The following AEBP2 variants were observed in gnomAD, a reference collection of about 807,000 sequenced individuals.
The protein encoded by AEBP2 is AE binding protein 2.
AEBP2 carries 10 observed loss-of-function variants against 50.8 expected under a neutral mutation model. The ratio of observed to expected loss-of-function variants is 0.20; its 90% CI spans 0.12 to 0.33. AEBP2 has a LOEUF of 0.33. Among genes scored for constraint, AEBP2 ranks in the 10% least tolerant of loss-of-function variants. The pLI is 1.00. For synonymous variants in AEBP2, 296 were observed against 261.3 expected, an observed-to-expected ratio of 1.13 and a Z score of -1.28; for missense variants, 570 against 688.0, an observed-to-expected ratio of 0.83 and a Z score of 1.92.
At chr12:19,427,350 A>C (rs1201784065) in intron 1 of AEBP2, among the ~76,000 whole-genome samples, 3 of 140,672 alleles carry the variant, frequency 2.1e-5, no homozygotes, top group African/African-American at 5.3e-5. Context: ...ACTGCTTTCC[A>C]GTTTGGCCAA....
At chr12:19,423,064 CAAAAAAAAAAAAAAAAA>C (rs751550689) in intron 1 of AEBP2, among the ~76,000 whole-genome samples, 9 of 35,036 alleles carry the variant, frequency 2.6e-4, no homozygotes, top group South Asian at 2.5e-3. Flanking sequence ...GACTCTGTCT[CAAAAAAAAAAAAAAAAA>C]AAAAAAAAAA....
chr12:19,518,631 A>C lies in AEBP2; in HGVS notation c.*514A>C. The C allele has an allele frequency of 7.0e-7, 1 of 1,421,748 alleles. No homozygotes were observed. The highest frequency in any genetic ancestry group is 9.4e-7 in the Non-Finnish European group (1 of 1,063,778). The allele number at this position is 1,421,748 out of a possible 1,614,324, so 88.1% of individuals were successfully genotyped here. A position where few individuals can be genotyped will look rare whatever the true frequency, so the allele number is the denominator to read the frequency against. On this transcript the variant is annotated 3_prime_UTR_variant, in exon 8 of 8. Coordinates refer to ENST00000266508, the MANE Select transcript of AEBP2 (RefSeq NM_153207.5). ...TCAAGAGATAATTTACCTTTCAATT[A>C]TGATAAATAGATGTGATTGGTTGCC...
intron 4 of AEBP2, among the ~76,000 whole-genome samples, chr12:19,498,344 C>T (rs570931434): frequency 6.6e-6 from 1 of 152,260 alleles, no homozygotes; most frequent in Non-Finnish European, 1.5e-5. Context: ...TTCTCATTGT[C>T]ACTGCCTTCT....
Position 19,439,961 on chromosome 12 carries a change from G to A in AEBP2, c.262G>A (p.Glu88Lys). Residue 88 changes from glutamate to lysine, a missense_variant, in exon 1 of 8, where the codon GAG (glutamate) becomes AAG (lysine). Physicochemically the swap from Glu to Lys is moderately conservative, Grantham distance 56 (BLOSUM62 1). Coordinates refer to ENST00000266508, the MANE Select transcript of AEBP2 (RefSeq NM_153207.5). ...AGAGACGATGTCGGAGCCGAGCCCC[G>A]AGAGCGCCAGCCAGGCCGGGGAGGA... Reference protein sequence around the residue: ...EAETMSEPSPESASQAGEDED... With the variant: ...EAETMSEPSPKSASQAGEDED... 2 of 1,521,526 alleles carry A rather than the reference G, an allele frequency of 1.3e-6. No individual in the cohort carries two copies. Among genetic ancestry groups the A allele is most frequent in the Non-Finnish European group, 8.8e-7 (1 of 1,140,994 alleles). 94.3% of individuals were successfully genotyped at this position (1,521,526 alleles called of 1,614,324 possible).
chr12:19,502,224 C>T (rs1427343062), intron 5 of AEBP2, among the ~76,000 whole-genome samples: 4 of 151,550 alleles, frequency 2.6e-5, no homozygotes, highest in African/African-American at 9.7e-5. Context: ...AACCTCCACC[C>T]TCTAGGTTCA....
chr12:19,439,927 C>A lies in AEBP2; in HGVS notation c.228C>A (p.Gly76=). The part of the protein sequence containing the change: ...GGGGGGGGVG[G]GEAETMSEPS... ...GAGGCGGCGGCGGAGGAGTGGGGGG[C>A]GGCGAGGCAGAGACGATGTCGGAGC... The change falls in exon 1 of 8, where the codon GGC becomes GGA. Residue 76 remains glycine, a synonymous_variant. Coordinates refer to ENST00000266508, the MANE Select transcript of AEBP2 (RefSeq NM_153207.5). 1.0e-5 allele frequency: 15 copies of A among 1,500,950 alleles called. No homozygotes were observed. Among genetic ancestry groups the A allele is most frequent in the Non-Finnish European group, 1.3e-5 (15 of 1,132,818 alleles). The allele number at this position is 1,500,950 out of a possible 1,614,324, so 93.0% of individuals were successfully genotyped here. A position where few individuals can be genotyped will look rare whatever the true frequency, so the allele number is the denominator to read the frequency against.
At chr12:19,451,983 C>G (rs546509649) in intron 1 of AEBP2, among the ~76,000 whole-genome samples, 1 of 152,176 alleles carries the variant, frequency 6.6e-6, no homozygotes, top group African/African-American at 2.4e-5. Flanking sequence ...CTCTGCCTCT[C>G]GGGTTTAAGC....
intron 1 of AEBP2, among the ~76,000 whole-genome samples, chr12:19,458,171 C>T (rs1355093834): frequency 1.3e-5 from 2 of 152,198 alleles, no homozygotes; most frequent in Non-Finnish European, 2.9e-5. Flanking sequence ...GGTCCTGTCA[C>T]AATCAGAAGT....
chr12:19,418,293 T>A (rs2095743718), intron 1 of AEBP2, among the ~76,000 whole-genome samples: 1 of 151,560 alleles, frequency 6.6e-6, no homozygotes, highest in African/African-American at 2.4e-5. Context: ...GGCACAATTA[T>A]GGCTCACTGC....
chr12:19,512,159 C>CT (rs1312883182), intron 5 of AEBP2, among the ~76,000 whole-genome samples: 1 of 151,956 alleles, frequency 6.6e-6, no homozygotes, highest in Non-Finnish European at 1.5e-5. Context: ...GTAGCTGGGA[C>CT]TGCAGAAGCC....
intron 1 of AEBP2, among the ~76,000 whole-genome samples, chr12:19,423,081 A>AAG (rs2095746686): frequency 6.7e-6 from 1 of 149,682 alleles, no homozygotes; most frequent in Non-Finnish European, 1.5e-5. Flanking sequence ...AAAAAAAAAA[A>AAG]AAAAAAAAAA....
intron 2 of AEBP2, chr12:19,466,906 T>C: frequency 1.4e-6 from 1 of 700,690 alleles, no homozygotes; most frequent in East Asian, 1.3e-4. Flanking sequence ...CATTCCACTA[T>C]AATCTTTGCC....
intron 1 of AEBP2, among the ~76,000 whole-genome samples, chr12:19,428,602 A>T (rs117045782): frequency 1.3e-5 from 2 of 152,312 alleles, no homozygotes; most frequent in African/African-American, 4.8e-5. Context: ...ACCTGATGTC[A>T]GGAGTTTCAG....
chr12:19,468,126 T>TGTGTGTGTGTGTG (rs1948511309), intron 2 of AEBP2, among the ~76,000 whole-genome samples: 5 of 143,958 alleles, frequency 3.5e-5, no homozygotes, highest in South Asian at 2.3e-4. Flanking sequence ...CTGCCTGACT[T>TGTGTGTGTGTGTG]TGTGTGTGTG....
At position 19,518,158 on chromosome 12, in the gene AEBP2, C is replaced by G; in HGVS notation, c.*41C>G. ...ATAAAAAGCAAACAAGCGGGGACAC[C>G]TGCAGTCTTAGTCACTGACAATGGG... On this transcript the variant is annotated 3_prime_UTR_variant, in exon 8 of 8. Transcript: ENST00000266508. 1 of 1,565,364 alleles carries G rather than the reference C, an allele frequency of 6.4e-7. No individual in the cohort carries two copies. The highest frequency in any genetic ancestry group is 8.6e-7 in the Non-Finnish European group (1 of 1,156,854).
At chr12:19,417,534 A>G (rs2095743264) in intron 1 of AEBP2, among the ~76,000 whole-genome samples, 1 of 150,568 alleles carries the variant, frequency 6.6e-6, no homozygotes, top group Non-Finnish European at 1.5e-5. Flanking sequence ...AGCCTCCCAG[A>G]GTAGCTGGGA....
chr12:19,507,150 A>G (rs767930358), intron 5 of AEBP2, among the ~76,000 whole-genome samples: 13 of 152,200 alleles, frequency 8.5e-5, no homozygotes, highest in Non-Finnish European at 1.6e-4. Context: ...CCTAGGAAAT[A>G]AGTGTAAATA....
Position 19,521,637 on chromosome 12 carries a change from TTTTAAGA to T in AEBP2, c.*3524_*3530del, listed in dbSNP as rs1404496188. On this transcript the variant is annotated 3_prime_UTR_variant, in exon 8 of 8. Transcript: ENST00000266508. ...GATGGACAATAATTATCTCTCAATA[TTTTAAGA>T]TTTGTTTTACTAATTGAAAACAGTA... 1 of 152,162 alleles carries T rather than the reference TTTTAAGA, an allele frequency of 6.6e-6. No homozygotes were observed. Among genetic ancestry groups the T allele is most frequent in the Non-Finnish European group, 1.5e-5 (1 of 68,008 alleles). The allele number at this position is 152,162 out of a possible 1,614,324, so 9.4% of individuals were successfully genotyped here. A position where few individuals can be genotyped will look rare whatever the true frequency, so the allele number is the denominator to read the frequency against.
At chr12:19,467,665 A>G (rs145473054) in intron 2 of AEBP2, among the ~76,000 whole-genome samples, 2,081 of 152,250 alleles carry the variant, frequency 0.014, 159 homozygotes, top group Admixed American at 0.13. Context: ...TCGAATTTCA[A>G]ATCCCAGTGT....
Sources: gnomAD v4.1 joint callset for allele counts (sites outside exome capture counted in the v4.1 genomes callset) on GRCh38, gnomAD v4.1.1 for gene constraint, MANE v1.5 for transcripts, NCBI Gene and HGNC (gene_info 2026-07-23, HGNC 2026-07-21) for gene names.